Variants in NAALAD2 observed in about 807,000 individuals in gnomAD.
NAALAD2 encodes the protein N-acetylated alpha-linked acidic dipeptidase 2, also known as N-acetylated-alpha-linked acidic dipeptidase 2.
Under a neutral mutation model 95.6 loss-of-function variants are expected in NAALAD2, and 89 were observed. The ratio of observed to expected loss-of-function variants is 0.93; its 90% CI spans 0.78 to 1.11. The LOEUF (loss-of-function observed/expected upper bound fraction) is 1.11, where lower values mean the gene tolerates loss of function less well. Ranked by LOEUF, NAALAD2 falls within the 50% of genes least tolerant of loss-of-function variation. The probability of loss-of-function intolerance (pLI) is 0.00; values close to 1 mark genes in which losing one functional copy is unlikely to be tolerated. For missense variants in NAALAD2, 894 were observed against 872.4 expected, an observed-to-expected ratio of 1.02 and a Z score of -0.31; for synonymous variants, 264 against 294.4, an observed-to-expected ratio of 0.90 and a Z score of 1.06.
chr11:90,153,776 G>C (rs1318218442), intron 6 of NAALAD2, among the ~76,000 whole-genome samples: 1 of 151,968 alleles, frequency 6.6e-6, no homozygotes, highest in Non-Finnish European at 1.5e-5. Context: ...CATACCTTTT[G>C]TCAGATTTAT....
At position 90,173,857 on chromosome 11, in the gene NAALAD2, T is replaced by C; in HGVS notation, c.1444T>C (p.Ser482Pro). Residue 482 changes from serine (S) to proline (P), a missense_variant, in exon 14 of 19, where the codon TCA becomes CCA. Transcript: ENST00000534061. ...PSPDDGFESK[S>P]LYESWLEKDP... ...CCCTGATGATGGGTTTGAGAGTAAA[T>C]CACTGTATGAAAGCTGGTTGGAAAA... The C allele has an allele frequency of 6.2e-7, 1 of 1,613,238 alleles. No individual in the cohort carries two copies. The highest frequency in any genetic ancestry group is 8.5e-7 in the Non-Finnish European group (1 of 1,179,624).
intron 6 of NAALAD2, among the ~76,000 whole-genome samples, chr11:90,156,149 G>A (rs1224315649): frequency 6.6e-6 from 1 of 151,808 alleles, no homozygotes; most frequent in African/African-American, 2.4e-5. Flanking sequence ...CTTGTTGGAA[G>A]TTTATTAGTT....
chr11:90,175,948 G>GTT, intron 14 of NAALAD2, 24 bp from the exon 15 acceptor site: 1 of 1,403,126 alleles, frequency 7.1e-7, no homozygotes, highest in Non-Finnish European at 1.0e-6. Context: ...GTGTGTGTGT[G>GTT]TGTGGATTGC....
At chr11:90,160,318 G>C (rs1358530002) in intron 8 of NAALAD2, among the ~76,000 whole-genome samples, 1 of 152,104 alleles carries the variant, frequency 6.6e-6, no homozygotes, top group Non-Finnish European at 1.5e-5. Flanking sequence ...CAAGAAGTTT[G>C]ATTTGCCTGA....
chr11:90,173,602 A>G (rs1214068055), intron 13 of NAALAD2, among the ~76,000 whole-genome samples: 2 of 152,230 alleles, frequency 1.3e-5, no homozygotes, highest in African/African-American at 4.8e-5. Context: ...CAAAATTACC[A>G]ACACAGGTAG....
chr11:90,149,518 T>C (rs1761032518), intron 4 of NAALAD2, among the ~76,000 whole-genome samples: 1 of 151,988 alleles, frequency 6.6e-6, no homozygotes, highest in Admixed American at 6.6e-5. Flanking sequence ...CCCTGCAACC[T>C]CTGCCTCCGA....
At chr11:90,155,377 A>G (rs868594425) in intron 6 of NAALAD2, among the ~76,000 whole-genome samples, 1 of 91,114 alleles carries the variant, frequency 1.1e-5, no homozygotes, top group Non-Finnish European at 1.9e-5. Flanking sequence ...GTAATATTAC[A>G]TATTATACAT....
At chr11:90,185,343 G>A (rs1857104006) in intron 18 of NAALAD2, among the ~76,000 whole-genome samples, 1 of 151,470 alleles carries the variant, frequency 6.6e-6, no homozygotes, top group Non-Finnish European at 1.5e-5. Flanking sequence ...ATAATGTATG[G>A]GACCATACGT....
intron 6 of NAALAD2, among the ~76,000 whole-genome samples, chr11:90,157,691 A>G (rs10741320): frequency 0.45 from 68,593 of 151,808 alleles, 16,562 homozygotes; most frequent in African/African-American, 0.62. Context: ...TTAAATAAAG[A>G]TGTATTAGGT....
upstream of NAALAD2, chr11:90,132,127 A>C (rs1479450766): frequency 6.6e-6 from 1 of 152,666 alleles, no homozygotes; most frequent in Admixed American, 6.5e-5. Context: ...AGACTTGTTG[A>C]GCCAGCTAAC....
chr11:90,182,852 A>T, intron 17 of NAALAD2, 64 bp from the exon 18 acceptor site: 1 of 1,083,434 alleles, frequency 9.2e-7, no homozygotes, highest in Non-Finnish European at 1.4e-6. Flanking sequence ...GTTTTTATTT[A>T]ATATTATTTT....
chr11:90,153,639 G>A (rs1951947768), intron 6 of NAALAD2, among the ~76,000 whole-genome samples: 1 of 151,968 alleles, frequency 6.6e-6, no homozygotes, highest in South Asian at 2.1e-4. Context: ...ATCAATTTGG[G>A]GAGAATTGGC....
chr11:90,168,178 G>A (rs1952531736), intron 11 of NAALAD2, among the ~76,000 whole-genome samples: 1 of 152,146 alleles, frequency 6.6e-6, no homozygotes, highest in Non-Finnish European at 1.5e-5. Context: ...CACTCACCGT[G>A]AAGGTCTGCA....
At position 90,172,949 on chromosome 11, in the gene NAALAD2, A is replaced by G. The variant is rs200970741; in HGVS notation, c.1411-875A>G. 1.9e-3 allele frequency among the ~76,000 whole-genome samples: 295 copies of G among 152,228 alleles called. 1 individual carries two copies. The highest frequency in any genetic ancestry group is 6.6e-3 in the African/African-American group (273 of 41,506). ...ATACACCAAGTTATAATGCTTTCAC[A>G]GTTACTTAAGTAGGGTCTGCCTTGG... On this transcript the variant is annotated intron_variant, in intron 13 of 18. Coordinates refer to ENST00000534061, the MANE Select transcript of NAALAD2 (RefSeq NM_005467.4).
chr11:90,134,947 G>T (rs1951417800), intron 1 of NAALAD2, 107 bp downstream of exon 1: 5 of 1,224,036 alleles, frequency 4.1e-6, no homozygotes, highest in Admixed American at 1.8e-5. Context: ...GCTAGCCCTG[G>T]CCGGCTGGGC....
At chr11:90,164,313 T>C (rs1952377082) in intron 11 of NAALAD2, 1 of 152,270 alleles carries the variant, frequency 6.6e-6, no homozygotes, top group Non-Finnish European at 1.5e-5. Context: ...TCCTTTAGTC[T>C]CTCTGTCAAG....
At chr11:90,155,443 TATA>T (rs572868119) in intron 6 of NAALAD2, among the ~76,000 whole-genome samples, 4,692 of 106,622 alleles carry the variant, frequency 0.044, 150 homozygotes, top group East Asian at 0.11. Flanking sequence ...ATATATAATA[TATA>T]ATATGTAATA....
At chr11:90,150,698 G>T in intron 5 of NAALAD2, 91 bp downstream of exon 5, 1 of 1,189,542 alleles carries the variant, frequency 8.4e-7, no homozygotes, top group Non-Finnish European at 1.1e-6. Flanking sequence ...TTTCCAAATT[G>T]CTTTCAAACA....
At chr11:90,134,878 C>T (rs753747722) in intron 1 of NAALAD2, 38 bp downstream of exon 1, 30 of 1,598,514 alleles carry the variant, frequency 1.9e-5, no homozygotes, top group Non-Finnish European at 2.3e-5. Flanking sequence ...CTCCGGGGCT[C>T]GTGATTCTCT....
Sources: allele counts gnomAD v4.1 joint callset (sites outside exome capture counted in the v4.1 genomes callset), GRCh38; gene constraint gnomAD v4.1.1; transcripts MANE v1.5; gene names NCBI Gene and HGNC (gene_info 2026-07-23, HGNC 2026-07-21).